The following SLC9A6 variants were observed in gnomAD, a reference collection of about 807,000 sequenced individuals.
SLC9A6 encodes solute carrier family 9 member A6.
In SLC9A6, 6 loss-of-function variants were observed where a neutral mutation model predicts 45.3. That is an observed-to-expected ratio of 0.13 (90% CI 0.07 to 0.26). SLC9A6 has a LOEUF of 0.26. Among genes scored for constraint, SLC9A6 ranks in the 10% least tolerant of loss-of-function variants. SLC9A6 has a pLI of 1.00. For missense variants in SLC9A6, 278 were observed against 503.7 expected (o/e 0.55, Z 4.29); for synonymous variants, 191 against 187.7 (o/e 1.02, Z -0.14).
chrX:136,037,863 C>T (rs896540343), intron 16 of SLC9A6, among the ~76,000 whole-genome samples: 3 of 112,799 alleles, frequency 2.7e-5, no homozygotes, highest in Non-Finnish European at 5.6e-5. Context: ...AGCCACTGTG[C>T]CCAGCCTAAA....
At chrX:136,002,084 C>T in intron 6 of SLC9A6, 24 bp from the exon 7 acceptor site, 1 of 996,803 alleles carries the variant, frequency 1.0e-6, no homozygotes. Context: ...TCTAAGTATT[C>T]CTCTGACTCT....
intron 15 of SLC9A6, 92 bp downstream of exon 15, chrX:136,030,254 T>A: frequency 1.2e-6 from 1 of 859,984 alleles, no homozygotes; most frequent in Non-Finnish European, 1.7e-6. Context: ...AACCTTCTAT[T>A]TAGATCCTGT....
chrX:135,992,520 T>C (rs1160426642), intron 2 of SLC9A6, among the ~76,000 whole-genome samples: 1 of 112,193 alleles, frequency 8.9e-6, no homozygotes, highest in African/African-American at 3.2e-5. Context: ...CCTGCCAATC[T>C]TTCAAACCTC....
In SLC9A6 at chrX:136,046,932, A is replaced by C. The variant is rs1056859396; in HGVS notation, c.*2208A>C. 3.5e-5 allele frequency: 4 copies of C among 112,748 alleles called. No homozygotes were observed. The Admixed American group carries it at 3.8e-4, about 11-fold the overall frequency. 9.3% of individuals were successfully genotyped at this position (112,748 alleles called of 1,213,427 possible). ...GAACCTACGCGTTTGAATGGCTTGA[A>C]CGTTGCATCTTTTAAAGTTATTTTT... On this transcript the variant is annotated 3_prime_UTR_variant, in exon 18 of 18. Coordinates refer to ENST00000630721, the MANE Select transcript of SLC9A6 (RefSeq NM_001379110.1).
Position 136,046,811 on chromosome X carries a change from C to G in SLC9A6, c.*2087C>G, listed in dbSNP as rs143940685. The G allele has an allele frequency of 3.0e-3, 335 of 112,642 alleles. 2 individuals carry two copies. Among genetic ancestry groups the G allele is most frequent in the African/African-American group, 0.01 (314 of 30,955 alleles). 9.3% of individuals were successfully genotyped at this position (112,642 alleles called of 1,213,427 possible). A position where few individuals can be genotyped will look rare whatever the true frequency, so the allele number is the denominator to read the frequency against. ...GAAAAAACAAACTCTGCTCAGACGC[C>G]TATGAAACACCTGAATGAACTTTGA... is the stretch of plus-strand genomic sequence containing the variant. On this transcript the variant is annotated 3_prime_UTR_variant, in exon 18 of 18. Coordinates refer to ENST00000630721, the MANE Select transcript of SLC9A6 (RefSeq NM_001379110.1).
At chrX:135,987,658 T>C (rs1481530919) in intron 2 of SLC9A6, among the ~76,000 whole-genome samples, 2 of 111,237 alleles carry the variant, frequency 1.8e-5, no homozygotes, top group African/African-American at 6.6e-5. Flanking sequence ...TTGATTTTTT[T>C]TTCTTTTTAT....
In SLC9A6 at chrX:136,044,625, C is replaced by T; in HGVS notation, c.1941C>T (p.Asp647=). 1 of 1,210,215 alleles carries T rather than the reference C, an allele frequency of 8.3e-7. No homozygotes were observed. Among genetic ancestry groups the T allele is most frequent in the Non-Finnish European group, 1.1e-6 (1 of 894,373 alleles). The change falls in exon 18 of 18, where the codon GAC becomes GAT. Residue 647 remains aspartate, a synonymous_variant. Transcript: ENST00000630721. ...DALDRELAFG[D]HELVIRGTRL... is the part of the protein sequence containing the mutation. ...TGGATCGGGAGCTTGCATTTGGGGA[C>T]CATGAACTGGTCATTCGAGGAACAC...
chrX:135,998,280 T>C lies in SLC9A6; in HGVS notation c.447+95T>C, dbSNP rs938830778. On this transcript the variant is annotated intron_variant, in intron 4 of 17. Transcript: ENST00000630721. The stretch of plus-strand genomic sequence containing the variant: ...TCAGAAATGGGCTGTTCTTTCCAGA[T>C]TACCCTCCTTTCTCCTCTCCTTATC... 1.1e-5 allele frequency: 7 copies of C among 613,961 alleles called. No homozygotes were observed. The Admixed American group carries it at 1.5e-4, about 13-fold the overall frequency. 50.6% of individuals were successfully genotyped at this position (613,961 alleles called of 1,213,427 possible).
chrX:135,985,193 G>A (rs1485456822), upstream of SLC9A6: 4 of 226,845 alleles, frequency 1.8e-5, no homozygotes, highest in Non-Finnish European at 3.2e-5. Flanking sequence ...CTGAGAATAG[G>A]ATCAAAGTAG....
chrX:136,045,059 A>G lies in SLC9A6; in HGVS notation c.*335A>G. The G allele has an allele frequency of 4.9e-6, 1 of 205,111 alleles. No homozygotes were observed. Among genetic ancestry groups the G allele is most frequent in the Non-Finnish European group, 8.9e-6 (1 of 111,939 alleles). The allele number at this position is 205,111 out of a possible 1,213,427, so 16.9% of individuals were successfully genotyped here. On this transcript the variant is annotated 3_prime_UTR_variant, in exon 18 of 18. Coordinates refer to ENST00000630721, the MANE Select transcript of SLC9A6 (RefSeq NM_001379110.1). ...AACTTACCTGACACTTAACCAGAGT[A>G]CCAGTTCTCGTGATGTGAATTAATT...
In SLC9A6 at chrX:136,010,565, T is replaced by C; in HGVS notation, c.867T>C (p.Thr289=). 1.7e-6 allele frequency: 2 copies of C among 1,210,414 alleles called. No individual in the cohort carries two copies. The highest frequency in any genetic ancestry group is 2.2e-6 in the Non-Finnish European group (2 of 894,063). Residue 289 remains threonine (T), a synonymous_variant, in exon 8 of 18, where the codon ACT becomes ACC. Transcript: ENST00000630721. ...FSGSFAMGAA[T]GVVTALVTKF... Reference sequence around the variant, plus strand: ...GATCTTTTGCAATGGGTGCTGCTACTGGAGTGGTGACAGCTTTAATATCCT... The same window carrying C: ...GATCTTTTGCAATGGGTGCTGCTACCGGAGTGGTGACAGCTTTAATATCCT...
At chrX:135,995,011 A>G in intron 3 of SLC9A6, 26 bp downstream of exon 3, 2 of 1,046,334 alleles carry the variant, frequency 1.9e-6, no homozygotes, top group Non-Finnish European at 2.7e-6. Context: ...AAATCTTTGA[A>G]TCTTTTTTGT....
rs781832235 is a variant in SLC9A6 at position 135,996,118 on chromosome X, G to A, written c.369+1133G>A. 3.5e-5 allele frequency among the ~76,000 whole-genome samples: 3 copies of A among 86,840 alleles called. No homozygotes were observed. In the South Asian group the frequency reaches 2.1e-3, roughly 61 times the overall value. The allele number at this position is 86,840 out of a possible 115,157, so 75.4% of individuals were successfully genotyped here. On this transcript the variant is annotated intron_variant, in intron 3 of 17. Transcript: ENST00000630721. The stretch of plus-strand genomic sequence containing the variant: ...ACGATCTCAGCTCTCTGCAACCCCC[G>A]CCTCCCAGGCTCAGGTGACTCTCCA...
At chrX:136,020,496 C>T (rs1181639270) in intron 11 of SLC9A6, among the ~76,000 whole-genome samples, 4 of 111,355 alleles carry the variant, frequency 3.6e-5, no homozygotes, top group Non-Finnish European at 7.5e-5. Context: ...AGATTACAGG[C>T]ATGATCTGAG....
chrX:135,989,042 CTG>C (rs1187194690), intron 2 of SLC9A6, among the ~76,000 whole-genome samples: 1 of 111,249 alleles, frequency 9.0e-6, no homozygotes, highest in Admixed American at 9.6e-5. Flanking sequence ...CAGCATGACT[CTG>C]GGGTCAAAAT....
At chrX:136,010,261 G>A (rs781982262) in intron 7 of SLC9A6, 181 bp from the exon 8 acceptor site, 29 of 403,936 alleles carry the variant, frequency 7.2e-5, no homozygotes, top group African/African-American at 6.6e-4. Context: ...GGAAAGCCAA[G>A]TTTTCTTGCT....
chrX:135,993,431 A>G (rs2089459470), intron 2 of SLC9A6, among the ~76,000 whole-genome samples: 1 of 111,888 alleles, frequency 8.9e-6, no homozygotes, highest in Non-Finnish European at 1.9e-5. Context: ...AAAAGGATAA[A>G]CTTTTGGTGT....
At chrX:135,976,230 G>A (rs1276840046) in intron 1 of SLC9A6, among the ~76,000 whole-genome samples, 7 of 111,429 alleles carry the variant, frequency 6.3e-5, no homozygotes, top group Middle Eastern at 4.6e-3. Context: ...GAAGAACCAG[G>A]AGATAATCTC....
rs1484954498 is a variant in SLC9A6, at chrX:135,995,035, C to A, written c.369+50C>A. On this transcript the variant is annotated intron_variant, in intron 3 of 17. Transcript: ENST00000630721. ...AATCTTTTTTGTGTCTAACTAGCAG[C>A]AAAATGATCCAGGAGAAAATAAGTA... The A allele has an allele frequency of 3.7e-6, 3 of 800,248 alleles. 1 individual carries two copies. The highest frequency in any genetic ancestry group is 4.6e-5 in the Admixed American group (2 of 43,557). 65.9% of individuals were successfully genotyped at this position (800,248 alleles called of 1,213,427 possible). A position where few individuals can be genotyped will look rare whatever the true frequency, so the allele number is the denominator to read the frequency against.
Sources: gnomAD v4.1 joint callset for allele counts (sites outside exome capture counted in the v4.1 genomes callset) on GRCh38, gnomAD v4.1.1 for gene constraint, MANE v1.5 for transcripts, NCBI Gene and HGNC (gene_info 2026-07-23, HGNC 2026-07-21) for gene names.